The following GPHN variants were observed in gnomAD, a reference collection of about 807,000 sequenced individuals.
GPHN encodes the protein gephyrin.
A neutral mutation model predicts 95.5 loss-of-function variants in GPHN; 17 were observed. The observed-to-expected ratio is 0.18, with a 90% CI of 0.12 to 0.27. The LOEUF (loss-of-function observed/expected upper bound fraction) is 0.27, where lower values mean the gene tolerates loss of function less well. GPHN is among the 10% of genes least tolerant of loss of function. GPHN has a pLI of 1.00. For missense variants in GPHN, 660 were observed against 978.1 expected (o/e 0.67, Z 4.34); for synonymous variants, 320 against 322.5 (o/e 0.99, Z 0.08).
intron 1 of GPHN, among the ~76,000 whole-genome samples, chr14:66,639,783 T>C (rs1419008154): frequency 6.6e-6 from 1 of 152,082 alleles, no homozygotes; most frequent in African/African-American, 2.4e-5. Context: ...TGATATTTTA[T>C]AAAATTTATA....
At chr14:66,980,530 A>G (rs554221372) in intron 9 of GPHN, among the ~76,000 whole-genome samples, 1 of 152,298 alleles carries the variant, frequency 6.6e-6, no homozygotes, top group South Asian at 2.1e-4. Flanking sequence ...AGAAATTTGG[A>G]AAAAATAATT....
chr14:67,045,214 T>G (rs1460464732), intron 10 of GPHN, among the ~76,000 whole-genome samples: 1 of 152,218 alleles, frequency 6.6e-6, no homozygotes, highest in South Asian at 2.1e-4. Context: ...CCCTGTCCGT[T>G]CTGTCTCAAA....
intron 1 of GPHN, among the ~76,000 whole-genome samples, chr14:66,669,740 T>C (rs542729364): frequency 3.9e-5 from 6 of 152,190 alleles, no homozygotes; most frequent in Non-Finnish European, 8.8e-5. Context: ...ATTTCAGTTA[T>C]TGTGTTTTTC....
intron 1 of GPHN, among the ~76,000 whole-genome samples, chr14:66,512,542 A>G (rs546922584): frequency 6.7e-4 from 102 of 151,932 alleles, no homozygotes; most frequent in African/African-American, 2.2e-3. Context: ...GGCATTTTTA[A>G]AAATCATATT....
chr14:67,426,037 GCCT>G, the GPHN span, among the ~76,000 whole-genome samples: 1 of 151,902 alleles, frequency 6.6e-6, no homozygotes, highest in African/African-American at 2.4e-5. Flanking sequence ...GAGCCACCAT[GCCT>G]GGCCAATGAA....
intron 4 of GPHN, among the ~76,000 whole-genome samples, chr14:66,849,522 T>C (rs1294811421): frequency 6.6e-6 from 1 of 152,058 alleles, no homozygotes; most frequent in Non-Finnish European, 1.5e-5. Flanking sequence ...TGTATTTCCA[T>C]TAATCATTGT....
the GPHN span, among the ~76,000 whole-genome samples, chr14:67,432,137 G>C: frequency 1.3e-5 from 2 of 152,208 alleles, no homozygotes; most frequent in Non-Finnish European, 2.9e-5. Context: ...CTTAAAGAAT[G>C]TGTGCTCATA....
the GPHN span, among the ~76,000 whole-genome samples, chr14:67,357,859 A>G: frequency 1.3e-5 from 2 of 152,198 alleles, no homozygotes; most frequent in Non-Finnish European, 2.9e-5. Flanking sequence ...CTATCCTCTC[A>G]CACAGACTGG....
chr14:67,145,624 C>T (rs932376995), intron 18 of GPHN, among the ~76,000 whole-genome samples: 1 of 152,148 alleles, frequency 6.6e-6, no homozygotes, highest in African/African-American at 2.4e-5. Context: ...AGAGATAAAA[C>T]ATACATGCAG....
chr14:67,200,965 A>C, the GPHN span, among the ~76,000 whole-genome samples: 1 of 152,222 alleles, frequency 6.6e-6, no homozygotes, highest in African/African-American at 2.4e-5. Flanking sequence ...GCAGCAAGTT[A>C]CCAAGATTCC....
chr14:66,966,617 GT>G (rs1187067619), intron 9 of GPHN, among the ~76,000 whole-genome samples: 2 of 151,916 alleles, frequency 1.3e-5, no homozygotes, highest in Non-Finnish European at 2.9e-5. Flanking sequence ...GTAACTTACA[GT>G]TTGACTGCAT....
chr14:67,141,651 G>T (rs2080465508), intron 17 of GPHN, among the ~76,000 whole-genome samples: 2 of 152,136 alleles, frequency 1.3e-5, no homozygotes, highest in Non-Finnish European at 2.9e-5. Flanking sequence ...GTGGTGCTAG[G>T]ATTTCCACTC....
chr14:67,717,767 C>T, the GPHN span: 1 of 152,244 alleles, frequency 6.6e-6, no homozygotes, highest in Non-Finnish European at 1.5e-5. Flanking sequence ...AATTATAAGG[C>T]TCAAAATGTC....
At chr14:67,560,602 G>A in the GPHN span, among the ~76,000 whole-genome samples, 13 of 152,008 alleles carry the variant, frequency 8.6e-5, no homozygotes, top group East Asian at 1.4e-3. Flanking sequence ...AGTTTATCAC[G>A]TGCTGTACCT....
the GPHN span, among the ~76,000 whole-genome samples, chr14:67,449,036 G>A: frequency 1.4e-4 from 21 of 152,144 alleles, no homozygotes; most frequent in African/African-American, 4.8e-4. Context: ...TTCAGGAGGA[G>A]CTTCTGTCCA....
At chr14:67,218,733 A>C in the GPHN span, among the ~76,000 whole-genome samples, 1 of 151,930 alleles carries the variant, frequency 6.6e-6, no homozygotes, top group Non-Finnish European at 1.5e-5. Flanking sequence ...GCACATAGCC[A>C]TTCTGCTTGC....
the GPHN span, among the ~76,000 whole-genome samples, chr14:67,490,273 C>T: frequency 2.0e-5 from 3 of 152,192 alleles, no homozygotes; most frequent in Non-Finnish European, 2.9e-5. Context: ...AGTGTGCTCA[C>T]TCTCCTTTCT....
the GPHN span, among the ~76,000 whole-genome samples, chr14:67,507,031 A>G: frequency 2.0e-5 from 3 of 152,146 alleles, no homozygotes; most frequent in Non-Finnish European, 4.4e-5. Context: ...TTCAAAGGGA[A>G]CTGAAGATAG....
intron 10 of GPHN, among the ~76,000 whole-genome samples, chr14:67,032,912 C>T (rs1369663671): frequency 6.6e-6 from 1 of 151,966 alleles, no homozygotes; most frequent in Non-Finnish European, 1.5e-5. Flanking sequence ...AAGTAATTAT[C>T]TAGAAACCAA....
Sources: gnomAD v4.1 joint callset for allele counts (sites outside exome capture counted in the v4.1 genomes callset) on GRCh38, gnomAD v4.1.1 for gene constraint, MANE v1.5 for transcripts, NCBI Gene and HGNC (gene_info 2026-07-23, HGNC 2026-07-21) for gene names.